The following PRKG1 variants were observed in gnomAD, a reference collection of about 807,000 sequenced individuals.
The protein encoded by PRKG1 is cGMP-dependent protein kinase 1.
In PRKG1, 35 loss-of-function variants were observed where a neutral mutation model predicts 88.1. That is an observed-to-expected ratio of 0.40 (90% CI 0.30 to 0.53). The LOEUF (loss-of-function observed/expected upper bound fraction) is 0.53, where lower values mean the gene tolerates loss of function less well. Ranked by LOEUF, PRKG1 falls within the 20% of genes least tolerant of loss-of-function variation. PRKG1 has a pLI of 0.59. For synonymous variants in PRKG1, 303 were observed against 292.5 expected (o/e 1.04, Z -0.37); for missense variants, 540 against 839.8 (o/e 0.64, Z 4.41).
chr10:52,089,910 G>A (rs1367294974), intron 7 of PRKG1, among the ~76,000 whole-genome samples: 1 of 139,686 alleles, frequency 7.2e-6, no homozygotes, highest in Non-Finnish European at 1.5e-5. Flanking sequence ...TGCCTGCCAC[G>A]TTCAAGTGAT....
At chr10:51,278,438 G>A (rs537822204) in intron 2 of PRKG1, among the ~76,000 whole-genome samples, 4 of 152,274 alleles carry the variant, frequency 2.6e-5, no homozygotes, top group East Asian at 1.9e-4. Flanking sequence ...GTCTCTGCTA[G>A]GCTTTGGTAT....
At chr10:52,179,295 C>T (rs1838948907) in intron 9 of PRKG1, among the ~76,000 whole-genome samples, 1 of 152,038 alleles carries the variant, frequency 6.6e-6, no homozygotes, top group South Asian at 2.1e-4. Context: ...ATTCCCTTAG[C>T]TTTTGCTTGT....
rs145620501 is a variant in PRKG1, at chr10:51,820,453, G to A, written c.698+15763G>A. ...CCTCAATCTACAGTGTGCATCTTGAGCACCTGTTGTGTGGTAGGACCTCTG... is the reference window on the plus strand; with the variant it reads ...CCTCAATCTACAGTGTGCATCTTGAACACCTGTTGTGTGGTAGGACCTCTG... On this transcript the variant is annotated intron_variant, in intron 4 of 17. Transcript: ENST00000373980. 2.8e-3 allele frequency among the ~76,000 whole-genome samples: 427 copies of A among 152,250 alleles called. 1 individual carries two copies. Among genetic ancestry groups the A allele is most frequent in the African/African-American group, 8.2e-3 (342 of 41,544 alleles).
chr10:51,725,156 A>AAAGTGAATTTCAAGG (rs1197763937), intron 3 of PRKG1, among the ~76,000 whole-genome samples: 1 of 152,160 alleles, frequency 6.6e-6, no homozygotes, highest in Non-Finnish European at 1.5e-5. Flanking sequence ...AAGGCTTCTA[A>AAAGTGAATTTCAAGG]AAGTGAATTT....
In PRKG1 at chr10:52,293,783, A is replaced by T. The variant is rs1466589204; in HGVS notation, c.1963-19A>T. 1.9e-6 allele frequency: 3 copies of T among 1,594,366 alleles called. No individual in the cohort carries two copies. In the East Asian group the frequency reaches 6.7e-5, roughly 36 times the overall value. On this transcript the variant is annotated intron_variant, in intron 17 of 17. Coordinates refer to ENST00000373980, the MANE Select transcript of PRKG1 (RefSeq NM_006258.4). ...CACTAAAAAAAATCCACTAAAAAAA[A>T]CCTGTCCATTTTTTACAGGTTGCAT...
intron 1 of PRKG1, chr10:51,068,634 G>C (rs545298477): frequency 1.3e-5 from 2 of 152,038 alleles, no homozygotes; most frequent in South Asian, 4.1e-4. Context: ...ACAAATCATG[G>C]ACTAGAGAGC....
At chr10:51,862,638 A>G (rs554052115) in intron 4 of PRKG1, among the ~76,000 whole-genome samples, 2 of 152,226 alleles carry the variant, frequency 1.3e-5, no homozygotes, top group Admixed American at 1.3e-4. Flanking sequence ...TCAATTGGCT[A>G]AAAGGCATCG....
At chr10:51,777,883 T>C (rs1838482849) in intron 3 of PRKG1, among the ~76,000 whole-genome samples, 1 of 152,164 alleles carries the variant, frequency 6.6e-6, no homozygotes, top group Non-Finnish European at 1.5e-5. Flanking sequence ...TCAGATTAGC[T>C]TCCTTCTTTT....
chr10:51,769,197 G>T (rs73347227), intron 3 of PRKG1, among the ~76,000 whole-genome samples: 7,204 of 152,262 alleles, frequency 0.047, 554 homozygotes, highest in African/African-American at 0.16. Context: ...TCAGAACTCT[G>T]AGGGGTAAGG....
chr10:51,468,040 T>C (rs942999790), intron 3 of PRKG1: 24 of 482,590 alleles, frequency 5.0e-5, no homozygotes, highest in African/African-American at 4.3e-4. Flanking sequence ...ATTTTCTTGC[T>C]GACTTCTGAA....
intron 6 of PRKG1, among the ~76,000 whole-genome samples, chr10:52,058,772 C>CA (rs1846168773): frequency 6.6e-6 from 1 of 151,788 alleles, no homozygotes; most frequent in Non-Finnish European, 1.5e-5. Flanking sequence ...ATGACACCAC[C>CA]AGCACAATCC....
intron 9 of PRKG1, among the ~76,000 whole-genome samples, chr10:52,224,982 T>A (rs1840356696): frequency 6.6e-6 from 1 of 151,842 alleles, no homozygotes; most frequent in African/African-American, 2.4e-5. Context: ...TGACTTCTTT[T>A]CCTCTGGTTA....
chr10:51,229,301 TA>T (rs1838773703), intron 2 of PRKG1, among the ~76,000 whole-genome samples: 1 of 152,174 alleles, frequency 6.6e-6, no homozygotes, highest in South Asian at 2.1e-4. Context: ...ATGATATATT[TA>T]AACCCCTTTG....
chr10:51,734,269 C>T (rs950284526), intron 3 of PRKG1, among the ~76,000 whole-genome samples: 6 of 152,092 alleles, frequency 3.9e-5, no homozygotes, highest in African/African-American at 1.4e-4. Flanking sequence ...GTGATAATGG[C>T]TTGCATCTAT....
intron 1 of PRKG1, among the ~76,000 whole-genome samples, chr10:51,055,751 C>A (rs866495856): frequency 1.3e-5 from 2 of 151,762 alleles, no homozygotes; most frequent in Non-Finnish European, 2.9e-5. Context: ...AAAAAAATTT[C>A]TTTGGATTTT....
chr10:50,996,547 C>T, intron 1 of PRKG1, among the ~76,000 whole-genome samples: 1 of 152,182 alleles, frequency 6.6e-6, no homozygotes, highest in East Asian at 1.9e-4. Flanking sequence ...CTGTGCCAGG[C>T]TGGAATTTCC....
chr10:52,210,318 T>C (rs1381736574), intron 9 of PRKG1, among the ~76,000 whole-genome samples: 2 of 152,000 alleles, frequency 1.3e-5, no homozygotes, highest in Middle Eastern at 3.4e-3. Flanking sequence ...CTAGATCTTA[T>C]TTTAGTTTCT....
intron 4 of PRKG1, among the ~76,000 whole-genome samples, chr10:51,812,975 T>G: frequency 6.6e-6 from 1 of 152,164 alleles, no homozygotes; most frequent in East Asian, 1.9e-4. Context: ...CTCCTCTCCT[T>G]TGCAAAACTT....
At chr10:51,676,026 T>A (rs2132357513) in intron 3 of PRKG1, among the ~76,000 whole-genome samples, 1 of 152,050 alleles carries the variant, frequency 6.6e-6, no homozygotes, top group East Asian at 1.9e-4. Flanking sequence ...TCCTAGCATT[T>A]TGAGAGGCCA....
Sources: allele counts gnomAD v4.1 joint callset (sites outside exome capture counted in the v4.1 genomes callset), GRCh38; gene constraint gnomAD v4.1.1; transcripts MANE v1.5; gene names NCBI Gene and HGNC (gene_info 2026-07-23, HGNC 2026-07-21).